The following LAMA3 variants were observed in gnomAD, a reference collection of about 807,000 sequenced individuals.
LAMA3 encodes laminin subunit alpha 3, also known as laminin subunit alpha-3.
LAMA3 carries 281 observed loss-of-function variants against 402.0 expected under a neutral mutation model. The ratio of observed to expected loss-of-function variants is 0.70; its 90% CI spans 0.63 to 0.77. The LOEUF is 0.77. Ranked by LOEUF, LAMA3 falls within the 30% of genes least tolerant of loss-of-function variation. The probability of loss-of-function intolerance (pLI) is 0.00; values close to 1 mark genes in which losing one functional copy is unlikely to be tolerated. For missense variants in LAMA3, 3,840 were observed against 4,215.5 expected (o/e 0.91, Z 2.47); for synonymous variants, 1,431 against 1,558.4 (o/e 0.92, Z 1.93).
intron 34 of LAMA3, 40 bp from the exon 35 acceptor site, chr18:23,861,606 C>T: frequency 6.2e-7 from 1 of 1,612,522 alleles, no homozygotes; most frequent in Non-Finnish European, 8.5e-7. Context: ...GATGCCACGA[C>T]CAAGACGTTT....
intron 12 of LAMA3, among the ~76,000 whole-genome samples, chr18:23,794,421 C>T (rs1430243116): frequency 6.6e-6 from 1 of 152,214 alleles, no homozygotes; most frequent in Admixed American, 6.5e-5. Context: ...CAGTTCTTTC[C>T]TCTTCCCTCT....
chr18:23,742,422 G>A (rs2061579641), intron 2 of LAMA3, among the ~76,000 whole-genome samples: 1 of 152,128 alleles, frequency 6.6e-6, no homozygotes, highest in Non-Finnish European at 1.5e-5. Context: ...GAGAGGATCA[G>A]GGAAATTTGA....
chr18:23,901,233 CCTT>C lies in LAMA3; in HGVS notation c.6113_6115del (p.Leu2038del), dbSNP rs756455427. On this transcript the variant is annotated inframe_deletion, in exon 48 of 75. Transcript: ENST00000313654. ...ATGAATACGAAGCCAAACTCAGTGACCTTCGTGCTCGGCTGCAGGAGGCAGCTG... is the reference window on the plus strand; with the variant it reads ...ATGAATACGAAGCCAAACTCAGTGACCGTGCTCGGCTGCAGGAGGCAGCTG... 1 of 1,614,078 alleles carries C rather than the reference CCTT, an allele frequency of 6.2e-7. No individual in the cohort carries two copies. The highest frequency in any genetic ancestry group is 8.5e-7 in the Non-Finnish European group (1 of 1,179,922).
At chr18:23,944,199 C>G (rs534366461) in intron 69 of LAMA3, among the ~76,000 whole-genome samples, 20 of 152,154 alleles carry the variant, frequency 1.3e-4, no homozygotes, top group Non-Finnish European at 2.4e-4. Context: ...ACTGATGCTT[C>G]TTCCATCCCC....
intron 32 of LAMA3, among the ~76,000 whole-genome samples, chr18:23,851,508 C>A (rs2144664769): frequency 6.6e-6 from 1 of 152,302 alleles, no homozygotes; most frequent in African/African-American, 2.4e-5. Flanking sequence ...CTGGAGGCAC[C>A]TTTAGAGGGT....
chr18:23,886,145 G>A (rs2065066121), intron 41 of LAMA3, among the ~76,000 whole-genome samples: 1 of 152,106 alleles, frequency 6.6e-6, no homozygotes, highest in Admixed American at 6.6e-5. Context: ...TTAAATCCTT[G>A]CAGCTTAATA....
intron 32 of LAMA3, among the ~76,000 whole-genome samples, chr18:23,856,856 T>A (rs932308191): frequency 6.6e-6 from 1 of 152,074 alleles, no homozygotes; most frequent in African/African-American, 2.4e-5. Flanking sequence ...TGGGAGCCCA[T>A]CCCTCCTCCC....
chr18:23,769,663 G>T (rs184630980), intron 8 of LAMA3, among the ~76,000 whole-genome samples: 74 of 152,254 alleles, frequency 4.9e-4, no homozygotes, highest in African/African-American at 1.6e-3. Context: ...ATGCATGTGC[G>T]CAAGCACACA....
chr18:23,929,817 T>C (rs1305305963), intron 64 of LAMA3, among the ~76,000 whole-genome samples: 2 of 152,206 alleles, frequency 1.3e-5, no homozygotes, highest in Non-Finnish European at 2.9e-5. Context: ...TACCTAACAC[T>C]TGTTTCCTCT....
chr18:23,929,555 G>A (rs2082102513), intron 64 of LAMA3, among the ~76,000 whole-genome samples: 1 of 151,650 alleles, frequency 6.6e-6, no homozygotes, highest in African/African-American at 2.4e-5. Context: ...CTGTGGCTCT[G>A]TAATACTAGG....
intron 2 of LAMA3, among the ~76,000 whole-genome samples, chr18:23,739,067 C>T (rs75434270): frequency 3.2e-3 from 488 of 152,320 alleles, no homozygotes; most frequent in Non-Finnish European, 5.7e-3. Context: ...CCCAGTGTCC[C>T]TTGTGCTACA....
chr18:23,884,187 A>G (rs1416455733), intron 40 of LAMA3, among the ~76,000 whole-genome samples: 1 of 152,084 alleles, frequency 6.6e-6, no homozygotes, highest in African/African-American at 2.4e-5. Flanking sequence ...TTAGAGCTAA[A>G]AGAAAAGGGA....
At chr18:23,928,322 C>T (rs2303860) in intron 63 of LAMA3, 82 bp downstream of exon 63, 29,791 of 890,996 alleles carry the variant, frequency 0.033, 1,823 homozygotes, top group Admixed American at 0.21. Context: ...CAACTTTTGA[C>T]TTCTTTCTGA....
At chr18:23,912,618 T>C in intron 55 of LAMA3, 93 bp from the exon 56 acceptor site, 2 of 1,015,452 alleles carry the variant, frequency 2.0e-6, no homozygotes, top group Admixed American at 3.4e-5. Context: ...CAGGAAAGGC[T>C]GATACATGGC....
At chr18:23,868,014 T>A in intron 37 of LAMA3, 97 bp downstream of exon 37, 1 of 949,010 alleles carries the variant, frequency 1.1e-6, no homozygotes. Context: ...TTGTAAAATA[T>A]GGATTCTATT....
At chr18:23,860,354 G>A (rs772453345) in intron 34 of LAMA3, among the ~76,000 whole-genome samples, 17 of 150,854 alleles carry the variant, frequency 1.1e-4, no homozygotes, top group Non-Finnish European at 2.2e-4. Flanking sequence ...CGCTTCCAGG[G>A]CTCAAGCAAT....
At chr18:23,697,205 AG>A (rs1278918902) in intron 1 of LAMA3, among the ~76,000 whole-genome samples, 3 of 152,188 alleles carry the variant, frequency 2.0e-5, no homozygotes, top group Non-Finnish European at 4.4e-5. Flanking sequence ...ATTTCTGAAG[AG>A]GAGGGTGAGG....
chr18:23,751,635 A>G (rs746404281), intron 5 of LAMA3, among the ~76,000 whole-genome samples: 1 of 152,202 alleles, frequency 6.6e-6, no homozygotes, highest in Non-Finnish European at 1.5e-5. Context: ...AGAACTGGTC[A>G]TATCATAGCC....
At chr18:23,896,977 A>G (rs1208235846) in intron 44 of LAMA3, among the ~76,000 whole-genome samples, 1 of 152,158 alleles carries the variant, frequency 6.6e-6, no homozygotes, top group Non-Finnish European at 1.5e-5. Flanking sequence ...CAACAGAAGC[A>G]ACAGTCAAGA....
Sources: allele counts gnomAD v4.1 joint callset (sites outside exome capture counted in the v4.1 genomes callset), GRCh38; gene constraint gnomAD v4.1.1; transcripts MANE v1.5; gene names NCBI Gene and HGNC (gene_info 2026-07-23, HGNC 2026-07-21).